MGAT4C: variants seen among roughly 807,000 people sequenced by gnomAD.
The protein encoded by MGAT4C is MGAT4 family member C.
Under a neutral mutation model 40.1 loss-of-function variants are expected in MGAT4C, and 19 were observed. That is an observed-to-expected ratio of 0.47 (90% confidence interval 0.33 to 0.70). The LOEUF (loss-of-function observed/expected upper bound fraction) is 0.70, where lower values mean the gene tolerates loss of function less well. MGAT4C is among the 30% of genes least tolerant of loss of function. The probability of loss-of-function intolerance (pLI) is 0.02; values close to 1 mark genes in which losing one functional copy is unlikely to be tolerated. For missense variants in MGAT4C, 491 were observed against 563.2 expected (o/e 0.87, Z 1.30); for synonymous variants, 181 against 187.1 (o/e 0.97, Z 0.27).
At chr12:86,480,436 G>C (rs554334160) in intron 2 of MGAT4C, among the ~76,000 whole-genome samples, 71 of 150,646 alleles carry the variant, frequency 4.7e-4, no homozygotes, top group Non-Finnish European at 8.7e-4. Context: ...AAACATGTAT[G>C]TATGTATACA....
chr12:86,676,100 G>A (rs892147843), intron 2 of MGAT4C, among the ~76,000 whole-genome samples: 1 of 152,072 alleles, frequency 6.6e-6, no homozygotes, highest in African/African-American at 2.4e-5. Context: ...CACAGATAGG[G>A]GCAACCAAAC....
At position 86,430,110 on chromosome 12, in the gene MGAT4C, C is replaced by T. The variant is rs181721277; in HGVS notation, c.-120+5047G>A. ...CTCTAAGATTTCTGTCTGGTTCTTT[C>T]CTATTGTTTCTATATCTTTGTCTAA... On this transcript the variant is annotated intron_variant, in intron 3 of 7. Coordinates refer to the MGAT4C transcript ENST00000548651. Among the ~76,000 whole-genome samples, 50 of 152,114 alleles carry T rather than the reference C, an allele frequency of 3.3e-4. 1 individual carries two copies. Among genetic ancestry groups the T allele is most frequent in the Admixed American group, 1.2e-3 (19 of 15,274 alleles).
In MGAT4C at chr12:85,956,791, G is replaced by T. The variant is rs550521914; in HGVS notation, c.*22498C>A. 6.6e-6 allele frequency: 1 copy of T among 152,194 alleles called. No individual in the cohort carries two copies. The highest frequency in any genetic ancestry group is 2.1e-4 in the South Asian group (1 of 4,822). 9.4% of individuals were successfully genotyped at this position (152,194 alleles called of 1,614,324 possible). ...CAAAGACTAGAGAAACATAATTTAT[G>T]ACATGAGATTGAAGGTGACTCTGAA... On this transcript the variant is annotated 3_prime_UTR_variant, in exon 5 of 5. Transcript: ENST00000611864.
At chr12:85,997,012 G>T (rs2136754497) in intron 2 of MGAT4C, among the ~76,000 whole-genome samples, 1 of 152,288 alleles carries the variant, frequency 6.6e-6, no homozygotes, top group Non-Finnish European at 1.5e-5. Context: ...CTGTTTTCAT[G>T]CTGCTGATAA....
At chr12:86,112,187 T>C (rs962862612) in intron 1 of MGAT4C, among the ~76,000 whole-genome samples, 3 of 151,934 alleles carry the variant, frequency 2.0e-5, no homozygotes, top group Non-Finnish European at 3.0e-5. Context: ...TTCAGGTTTA[T>C]GGCAACATTT....
chr12:86,551,072 GA>G lies in MGAT4C; in HGVS notation c.-228-115808del, dbSNP rs567587264. 7.2e-5 allele frequency among the ~76,000 whole-genome samples: 11 copies of G among 152,136 alleles called. No individual in the cohort carries two copies. In the East Asian group the frequency reaches 2.1e-3, roughly 30 times the overall value. On this transcript the variant is annotated intron_variant, in intron 2 of 7. Coordinates refer to the MGAT4C transcript ENST00000548651. ...GAGCACCAATTGACACTCTTTAAGG[GA>G]ACACACCCAGGGCTACTGAGCAGCT...
At chr12:86,707,809 G>A (rs1211230248) in intron 2 of MGAT4C, among the ~76,000 whole-genome samples, 1 of 152,116 alleles carries the variant, frequency 6.6e-6, no homozygotes, top group Non-Finnish European at 1.5e-5. Context: ...GGGATTACAG[G>A]CATGAGCCTC....
chr12:86,242,524 T>A (rs1228315787), intron 1 of MGAT4C, among the ~76,000 whole-genome samples: 1 of 152,200 alleles, frequency 6.6e-6, no homozygotes, highest in African/African-American at 2.4e-5. Flanking sequence ...ATGTAATGAC[T>A]CCTTTTTAAA....
intron 2 of MGAT4C, among the ~76,000 whole-genome samples, chr12:86,465,844 C>A (rs1398442543): frequency 6.6e-6 from 1 of 152,080 alleles, no homozygotes; most frequent in Non-Finnish European, 1.5e-5. Context: ...ACTAAACATT[C>A]TCTTACCATA....
intron 2 of MGAT4C, among the ~76,000 whole-genome samples, chr12:86,636,492 G>T (rs985961057): frequency 6.6e-6 from 1 of 151,906 alleles, no homozygotes; most frequent in South Asian, 2.1e-4. Flanking sequence ...ATAAGATGAG[G>T]TCATAAAGGC....
chr12:86,082,632 C>T (rs1421861712), intron 1 of MGAT4C, among the ~76,000 whole-genome samples: 2 of 151,970 alleles, frequency 1.3e-5, no homozygotes, highest in African/African-American at 4.8e-5. Context: ...CAAAATGATC[C>T]AACAGAAAGT....
chr12:86,811,263 G>A (rs1011641708), intron 1 of MGAT4C, among the ~76,000 whole-genome samples: 3 of 150,330 alleles, frequency 2.0e-5, no homozygotes, highest in South Asian at 2.1e-4. Flanking sequence ...TCATGTTTGA[G>A]TTTCAGTGAT....
intron 1 of MGAT4C, among the ~76,000 whole-genome samples, chr12:86,191,658 CACACACACACACACA>C (rs1566119025): frequency 2.0e-5 from 3 of 147,376 alleles, no homozygotes; most frequent in African/African-American, 7.4e-5. Flanking sequence ...CACACACACA[CACACACACACACACA>C]CCCTTATCTC....
At chr12:86,655,658 C>T (rs1228789941) in intron 2 of MGAT4C, among the ~76,000 whole-genome samples, 1 of 152,114 alleles carries the variant, frequency 6.6e-6, no homozygotes, top group African/African-American at 2.4e-5. Context: ...CTCAGTTCAT[C>T]CTAATACAAA....
chr12:86,289,272 G>GT (rs1185037503), intron 4 of MGAT4C, among the ~76,000 whole-genome samples: 1 of 142,530 alleles, frequency 7.0e-6, no homozygotes, highest in Non-Finnish European at 1.6e-5. Flanking sequence ...CTACGTGTTT[G>GT]TTTTTGTACC....
At chr12:86,017,248 T>TTATGTGTTTACATTTA in intron 2 of MGAT4C, among the ~76,000 whole-genome samples, 1 of 152,134 alleles carries the variant, frequency 6.6e-6, no homozygotes, top group African/African-American at 2.4e-5. Context: ...AATCTCGAAC[T>TTATGTGTTTACATTTA]CGGAGCTATA....
chr12:86,389,947 A>C (rs1175554047), intron 3 of MGAT4C, among the ~76,000 whole-genome samples: 1 of 152,212 alleles, frequency 6.6e-6, no homozygotes. Flanking sequence ...AGAACAGAAA[A>C]GTATAGAAGT....
At chr12:86,250,153 T>A (rs73398105) in intron 1 of MGAT4C, among the ~76,000 whole-genome samples, 4 of 152,112 alleles carry the variant, frequency 2.6e-5, no homozygotes, top group Non-Finnish European at 4.4e-5. Flanking sequence ...TAGAAAATGT[T>A]TTACACATTC....
intron 3 of MGAT4C, among the ~76,000 whole-genome samples, chr12:86,376,218 CAAA>C: frequency 2.0e-5 from 1 of 50,770 alleles, no homozygotes; most frequent in East Asian, 6.2e-4. Flanking sequence ...TAACACATGT[CAAA>C]AAAAAAAAAA....
Sources: gnomAD v4.1 joint callset for allele counts (sites outside exome capture counted in the v4.1 genomes callset) on GRCh38, gnomAD v4.1.1 for gene constraint, MANE v1.5 for transcripts, NCBI Gene and HGNC (gene_info 2026-07-23, HGNC 2026-07-21) for gene names.